The following IL1RAPL2 variants were observed in gnomAD, a reference collection of about 807,000 sequenced individuals.
IL1RAPL2 encodes the protein interleukin 1 receptor accessory protein like 2.
IL1RAPL2 carries 3 observed loss-of-function variants against 44.1 expected under a neutral mutation model. That is an observed-to-expected ratio of 0.07 (90% CI 0.03 to 0.18). The LOEUF (loss-of-function observed/expected upper bound fraction) is 0.18, where lower values mean the gene tolerates loss of function less well. Among genes scored for constraint, IL1RAPL2 ranks in the 10% least tolerant of loss-of-function variants. The pLI is 1.00. For missense variants in IL1RAPL2, 391 were observed against 496.4 expected, an observed-to-expected ratio of 0.79 and a Z score of 2.02; for synonymous variants, 181 against 178.8, an observed-to-expected ratio of 1.01 and a Z score of -0.10.
intron 6 of IL1RAPL2, among the ~76,000 whole-genome samples, chrX:105,603,179 A>G (rs995701281): frequency 1.8e-5 from 2 of 110,251 alleles, no homozygotes; most frequent in African/African-American, 6.6e-5. Context: ...CTTATTAATA[A>G]TAACACTGAA....
intron 6 of IL1RAPL2, among the ~76,000 whole-genome samples, chrX:105,541,312 G>A (rs2036732942): frequency 9.0e-6 from 1 of 110,909 alleles, no homozygotes; most frequent in Non-Finnish European, 1.9e-5. Flanking sequence ...ACATTTGATG[G>A]AAGAGATGGC....
chrX:104,919,212 C>A lies in IL1RAPL2; in HGVS notation c.82+260217C>A, dbSNP rs369461242. 1.6e-4 allele frequency among the ~76,000 whole-genome samples: 13 copies of A among 83,535 alleles called. No individual in the cohort carries two copies. In the East Asian group the frequency reaches 5.3e-3, roughly 34 times the overall value. The allele number at this position is 83,535 out of a possible 115,157, so 72.5% of individuals were successfully genotyped here. Reference sequence around the variant, plus strand: ...TCACAAGACTCTGGGGACTCTTGGGCACTTTTTCTTTCTTTTTTTTTTTTT... The same window carrying A: ...TCACAAGACTCTGGGGACTCTTGGGAACTTTTTCTTTCTTTTTTTTTTTTT... On this transcript the variant is annotated intron_variant, in intron 2 of 10. Transcript: ENST00000372582.
chrX:104,963,800 C>A (rs1267335112), intron 2 of IL1RAPL2, among the ~76,000 whole-genome samples: 1 of 110,952 alleles, frequency 9.0e-6, no homozygotes, highest in Non-Finnish European at 1.9e-5. Context: ...GAGATTCTTC[C>A]TATAAGATTA....
At chrX:104,917,254 A>G (rs1924479007) in intron 2 of IL1RAPL2, among the ~76,000 whole-genome samples, 1 of 111,677 alleles carries the variant, frequency 9.0e-6, no homozygotes, top group African/African-American at 3.3e-5. Context: ...AGAGCCTGTT[A>G]GTAGTTGTTT....
chrX:104,644,485 A>T (rs1929995500), intron 1 of IL1RAPL2, among the ~76,000 whole-genome samples: 2 of 111,794 alleles, frequency 1.8e-5, no homozygotes, highest in African/African-American at 6.5e-5. Context: ...CCCATTTTCA[A>T]TTGAAGATCA....
intron 3 of IL1RAPL2, chrX:105,219,157 T>G: frequency 8.3e-7 from 1 of 1,211,052 alleles, no homozygotes; most frequent in Non-Finnish European, 1.1e-6. Flanking sequence ...GGGCCCCCCA[T>G]CAGACCACAG....
At chrX:104,584,804 C>T (rs1053192799) in intron 1 of IL1RAPL2, among the ~76,000 whole-genome samples, 11 of 110,701 alleles carry the variant, frequency 9.9e-5, no homozygotes, top group African/African-American at 3.0e-4. Flanking sequence ...AGTAGGTGAG[C>T]TACAGCCATG....
At chrX:104,598,806 G>A (rs1928817737) in intron 1 of IL1RAPL2, among the ~76,000 whole-genome samples, 1 of 112,480 alleles carries the variant, frequency 8.9e-6, no homozygotes, top group Admixed American at 9.4e-5. Flanking sequence ...TTTAAGAGGG[G>A]TCCTGGGACA....
chrX:105,621,558 C>T (rs1431788833), intron 6 of IL1RAPL2, among the ~76,000 whole-genome samples: 2 of 111,309 alleles, frequency 1.8e-5, no homozygotes, highest in African/African-American at 6.5e-5. Flanking sequence ...AATCTTATTG[C>T]CTGTGATCCT....
At chrX:105,248,846 A>C (rs758965587) in intron 4 of IL1RAPL2, among the ~76,000 whole-genome samples, 2 of 111,354 alleles carry the variant, frequency 1.8e-5, no homozygotes, top group African/African-American at 6.5e-5. Flanking sequence ...GACAATAACA[A>C]ACGCTACTGA....
At chrX:104,869,762 A>G (rs938433830) in intron 2 of IL1RAPL2, among the ~76,000 whole-genome samples, 1 of 112,065 alleles carries the variant, frequency 8.9e-6, no homozygotes, top group Non-Finnish European at 1.9e-5. Context: ...TACAAAAGCT[A>G]TAAGAATGTC....
intron 2 of IL1RAPL2, among the ~76,000 whole-genome samples, chrX:105,083,080 A>G (rs772293148): frequency 9.0e-6 from 1 of 111,388 alleles, no homozygotes; most frequent in Non-Finnish European, 1.9e-5. Flanking sequence ...ATTGCTAACT[A>G]CAATAACCAG....
rs2036595862 is a variant in IL1RAPL2 at position 105,526,522 on chromosome X, T to C, written c.772+42135T>C. Among the ~76,000 whole-genome samples, 5 of 111,883 alleles carry C rather than the reference T, an allele frequency of 4.5e-5. No homozygotes were observed. In the Admixed American group the frequency reaches 4.8e-4, roughly 11 times the overall value. ...CAAAGATCAAATCTTGAGTCAAATATTTAATATTGAACAAAGCATCACATT... is the reference window on the plus strand; with the variant it reads ...CAAAGATCAAATCTTGAGTCAAATACTTAATATTGAACAAAGCATCACATT... On this transcript the variant is annotated intron_variant, in intron 6 of 10. Transcript: ENST00000372582.
At chrX:105,482,262 CTGATA>C (rs2036237872) in intron 5 of IL1RAPL2, among the ~76,000 whole-genome samples, 1 of 111,656 alleles carries the variant, frequency 9.0e-6, no homozygotes, top group African/African-American at 3.2e-5. Flanking sequence ...AATTGAACAT[CTGATA>C]TAACTGGATT....
chrX:105,691,399 T>C (rs1327820572), intron 6 of IL1RAPL2, among the ~76,000 whole-genome samples: 1 of 111,384 alleles, frequency 9.0e-6, no homozygotes, highest in African/African-American at 3.3e-5. Flanking sequence ...AAATCGGATT[T>C]TCTATTGTCC....
intron 2 of IL1RAPL2, among the ~76,000 whole-genome samples, chrX:105,174,371 C>T (rs953291278): frequency 2.7e-5 from 3 of 111,168 alleles, no homozygotes; most frequent in Non-Finnish European, 5.7e-5. Flanking sequence ...AGTCTTAACC[C>T]GCTGTTTGAT....
intron 5 of IL1RAPL2, among the ~76,000 whole-genome samples, chrX:105,296,676 C>T (rs2147672020): frequency 8.9e-6 from 1 of 112,285 alleles, no homozygotes; most frequent in South Asian, 3.7e-4. Context: ...TGGAACAGAG[C>T]AAAGAGCACT....
chrX:104,908,635 A>G (rs1340669624), intron 2 of IL1RAPL2, among the ~76,000 whole-genome samples: 2 of 111,613 alleles, frequency 1.8e-5, no homozygotes, highest in Non-Finnish European at 3.8e-5. Flanking sequence ...ATTGGCCCCC[A>G]CTGTCTTCTG....
intron 2 of IL1RAPL2, among the ~76,000 whole-genome samples, chrX:104,907,445 T>C (rs1219276569): frequency 1.2e-4 from 13 of 111,247 alleles, no homozygotes; most frequent in Admixed American, 1.9e-4. Flanking sequence ...CATTTAGTGC[T>C]ATAAATTTCC....
Sources: gnomAD v4.1 joint callset for allele counts (sites outside exome capture counted in the v4.1 genomes callset) on GRCh38, gnomAD v4.1.1 for gene constraint, MANE v1.5 for transcripts, NCBI Gene and HGNC (gene_info 2026-07-23, HGNC 2026-07-21) for gene names.